The following GLIS2 variants were observed in gnomAD, a reference collection of about 807,000 sequenced individuals.
GLIS2 encodes the protein GLIS family zinc finger 2.
In GLIS2, 14 loss-of-function variants were observed where a neutral mutation model predicts 35.6. The ratio of observed to expected loss-of-function variants is 0.39; its 90% CI spans 0.26 to 0.61. GLIS2 has a LOEUF of 0.61. Among genes scored for constraint, GLIS2 ranks in the 20% least tolerant of loss-of-function variants. GLIS2 has a pLI of 0.48. For missense variants in GLIS2, 675 were observed against 713.4 expected (o/e 0.95, Z 0.61); for synonymous variants, 368 against 325.1 (o/e 1.13, Z -1.42).
chr16:4,319,147 G>A (rs1157998183), intron 1 of GLIS2, among the ~76,000 whole-genome samples: 6 of 152,142 alleles, frequency 3.9e-5, no homozygotes, highest in Non-Finnish European at 8.8e-5. Flanking sequence ...GGTGGAATTG[G>A]GGCGGGGGTG....
At chr16:4,317,998 G>GC (rs2053334310) in intron 1 of GLIS2, among the ~76,000 whole-genome samples, 1 of 152,160 alleles carries the variant, frequency 6.6e-6, no homozygotes, top group South Asian at 2.1e-4. Context: ...CCTGGCCCAG[G>GC]CCCCCTGGGG....
At chr16:4,321,730 C>G (rs146534273) in intron 1 of GLIS2, among the ~76,000 whole-genome samples, 1 of 152,072 alleles carries the variant, frequency 6.6e-6, no homozygotes, top group South Asian at 2.1e-4. Context: ...GTAGCCACAG[C>G]GGGTTTGGAG....
chr16:4,329,976 TGTG>T, intron 1 of GLIS2, among the ~76,000 whole-genome samples: 2 of 152,192 alleles, frequency 1.3e-5, no homozygotes, highest in Non-Finnish European at 2.9e-5. Context: ...ATCATTTGCA[TGTG>T]AGGAAAATTA....
At chr16:4,328,511 T>C (rs545324298) in intron 1 of GLIS2, among the ~76,000 whole-genome samples, 95 of 152,268 alleles carry the variant, frequency 6.2e-4, no homozygotes, top group Non-Finnish European at 1.2e-3. Context: ...GAGGAAAAAC[T>C]CTGGGTGGGG....
At chr16:4,330,887 C>T (rs1037742332) in intron 1 of GLIS2, among the ~76,000 whole-genome samples, 10 of 152,246 alleles carry the variant, frequency 6.6e-5, no homozygotes, top group African/African-American at 2.2e-4. Flanking sequence ...ATGACGCCCA[C>T]GCTGGAAGGT....
At chr16:4,334,701 C>T in intron 3 of GLIS2, 100 bp from the exon 4 acceptor site, 1 of 1,408,124 alleles carries the variant, frequency 7.1e-7, no homozygotes, top group Non-Finnish European at 9.9e-7. Context: ...GAGAAGAGGA[C>T]CTGAATGTCT....
upstream of GLIS2, chr16:4,314,993 G>T (rs2053291782): frequency 6.6e-6 from 1 of 152,332 alleles, no homozygotes; most frequent in Non-Finnish European, 1.5e-5. Flanking sequence ...ACACGAGGCA[G>T]AAAACAGCTG....
In GLIS2 at chr16:4,335,543, T is replaced by G; in HGVS notation, c.775+150T>G. ...CATCGCCCAGGGGTCCCTTTTCCAATGCAGTTTGCTAGGGGAAGCATCCCC... is the reference window on the plus strand; with the variant it reads ...CATCGCCCAGGGGTCCCTTTTCCAAGGCAGTTTGCTAGGGGAAGCATCCCC... On this transcript the variant is annotated intron_variant, in intron 6 of 6. Transcript: ENST00000433375. This position sits in a 1 kb window ranked among gnomAD's most constrained non-coding sequence, Gnocchi z 4.6. The G allele has an allele frequency of 1.4e-6, 1 of 721,748 alleles. No individual in the cohort carries two copies. The highest frequency in any genetic ancestry group is 2.3e-6 in the Non-Finnish European group (1 of 430,768). 44.7% of individuals were successfully genotyped at this position (721,748 alleles called of 1,614,324 possible). A position where few individuals can be genotyped will look rare whatever the true frequency, so the allele number is the denominator to read the frequency against.
Position 4,332,090 on chromosome 16 carries a change from G to T in GLIS2, c.-66-125G>T, listed in dbSNP as rs1310268532. 8 of 743,206 alleles carry T rather than the reference G, an allele frequency of 1.1e-5. No individual in the cohort carries two copies. Among genetic ancestry groups the T allele is most frequent in the Middle Eastern group, 3.5e-4 (1 of 2,868 alleles). The allele number at this position is 743,206 out of a possible 1,614,324, so 46.0% of individuals were successfully genotyped here. On this transcript the variant is annotated intron_variant, in intron 1 of 6. Transcript: ENST00000433375. This position sits in a 1 kb window ranked among gnomAD's most constrained non-coding sequence, Gnocchi z 5.4. ...AGCTGCCGGCCAGGTCGCTCGGAGG[G>T]TCTCCCTACCCAGGAGACAACCTCA... is the stretch of plus-strand genomic sequence containing the variant.
Position 4,336,871 on chromosome 16 carries a change from A to C in GLIS2, c.922A>C (p.Ser308Arg). 6.2e-7 allele frequency: 1 copy of C among 1,613,372 alleles called. No individual in the cohort carries two copies. Among genetic ancestry groups the C allele is most frequent in the Non-Finnish European group, 8.5e-7 (1 of 1,180,012 alleles). The change falls in exon 7 of 7, where the codon AGC becomes CGC. Residue 308 changes from serine to arginine, a missense_variant. Physicochemically the swap from Ser to Arg is moderately radical, Grantham distance 110. This residue lies in a region of GLIS2 where 133 missense variants were observed against 191.4 expected (regional missense o/e 0.69). Coordinates refer to ENST00000433375, the MANE Select transcript of GLIS2 (RefSeq NM_032575.3). Reference sequence around the variant, plus strand: ...CTGCCACAAGCGCTACACGGACCCCAGCTCACTGCGCAAGCACATCAAGGC... The same window carrying C: ...CTGCCACAAGCGCTACACGGACCCCCGCTCACTGCGCAAGCACATCAAGGC... ...PGCHKRYTDP[S>R]SLRKHIKAHG...
chr16:4,331,207 C>A (rs1021262860), intron 1 of GLIS2, among the ~76,000 whole-genome samples: 1 of 152,042 alleles, frequency 6.6e-6, no homozygotes, highest in Non-Finnish European at 1.5e-5. Context: ...GTCTCTATCT[C>A]CTGACCTCGT....
chr16:4,336,717 C>A lies in GLIS2; in HGVS notation c.776-8C>A. ...CTCATGGCGGCACTGCACTGCACCA[C>A]CCTGCAGGTGAGAAGCCCTACGTCT... On this transcript the variant is annotated splice_polypyrimidine_tract_variant and splice_region_variant and intron_variant, in intron 6 of 6. Coordinates refer to ENST00000433375, the MANE Select transcript of GLIS2 (RefSeq NM_032575.3). 6.3e-7 allele frequency: 1 copy of A among 1,589,954 alleles called. No individual in the cohort carries two copies. Among genetic ancestry groups the A allele is most frequent in the Middle Eastern group, 1.7e-4 (1 of 6,032 alleles).
chr16:4,317,323 T>C (rs2053324676), intron 1 of GLIS2, among the ~76,000 whole-genome samples: 2 of 152,126 alleles, frequency 1.3e-5, no homozygotes, highest in South Asian at 4.1e-4. Context: ...GTCTGGGCCA[T>C]GGAAAGGGCC....
chr16:4,332,375 G>A lies in GLIS2; in HGVS notation c.95G>A (p.Arg32Gln), dbSNP rs145079200. Residue 32 changes from arginine (R) to glutamine (Q), a missense_variant, in exon 2 of 7, where the codon CGG becomes CAG. Arg to Gln is a conservative substitution (Grantham distance 43, BLOSUM62 1). Around this residue, in one of 3 missense-constraint regions of GLIS2, gnomAD observed 225 missense variants for 238.7 expected, o/e 0.94. Transcript: ENST00000433375. This position sits in a 1 kb window ranked among gnomAD's most constrained non-coding sequence, Gnocchi z 5.4. ...CGGGAGAGGACGCTGGGTGTGGTCC[G>A]GCCCCGTGCTCTGCACAGGGAGCTG... ...EKRERTLGVVRPRALHRELGL... is the reference protein window; with the variant it reads ...EKRERTLGVVQPRALHRELGL... 37 of 1,612,996 alleles carry A rather than the reference G, an allele frequency of 2.3e-5. No individual in the cohort carries two copies. Among genetic ancestry groups the A allele is most frequent in the East Asian group, 8.9e-5 (4 of 44,880 alleles).
intron 1 of GLIS2, among the ~76,000 whole-genome samples, chr16:4,326,088 C>A (rs1026357048): frequency 2.6e-5 from 4 of 151,016 alleles, no homozygotes; most frequent in East Asian, 2.0e-4. Flanking sequence ...AAAATACACA[C>A]AAAAAAATTA....
chr16:4,337,522 T>A lies in GLIS2; in HGVS notation c.1573T>A (p.Ter525ArgextTer48). The change falls in exon 7 of 7, where the codon TGA becomes AGA. Residue 525 changes from the stop codon to arginine, a stop_lost. Transcript: ENST00000433375. ...GCTGCTCAAACCGGCTGTGGTGAAC[T>A]GAGCCCATCCTGCGGACAGTTGTGG... ...SVLLKPAVVN[*>R] The A allele has an allele frequency of 6.4e-7, 1 of 1,556,474 alleles. No homozygotes were observed. Among genetic ancestry groups the A allele is most frequent in the Non-Finnish European group, 8.6e-7 (1 of 1,156,322 alleles).
Position 4,337,433 on chromosome 16 carries a change from A to T in GLIS2, c.1484A>T (p.Asn495Ile), listed in dbSNP as rs376570389. The change falls in exon 7 of 7, where the codon AAC becomes ATC. Residue 495 changes from asparagine (N) to isoleucine (I), a missense_variant. By Grantham distance (149) the Asn-to-Ile change is moderately radical. Coordinates refer to ENST00000433375, the MANE Select transcript of GLIS2 (RefSeq NM_032575.3). ...GTGCTGGACCTGTCCACGGGCGTCA[A>T]CTCAGCTGCCAGCAGCCCAGAGGCG... ...GTVLDLSTGV[N>I]SAASSPEALA... 1.3e-5 allele frequency: 20 copies of T among 1,583,118 alleles called. No homozygotes were observed. Among genetic ancestry groups the T allele is most frequent in the African/African-American group, 2.7e-5 (2 of 74,366 alleles).
At position 4,337,171 on chromosome 16, in the gene GLIS2, CCT is replaced by C. The variant is rs2053563815; in HGVS notation, c.1226_1227del (p.Leu409GlnfsTer57). On this transcript the variant is annotated frameshift_variant, in exon 7 of 7. Transcript: ENST00000433375. LOFTEE classifies it high-confidence loss of function. ...MGPGLPGPVL[P>X]LNLAKNPLLP... ...CCCTGGGCTGCCAGGCCCCGTCCTG[CCT>C]CTCAATCTGGCCAAGAACCCGCTGC... 2.6e-6 allele frequency: 4 copies of C among 1,542,504 alleles called. No individual in the cohort carries two copies. Among genetic ancestry groups the C allele is most frequent in the Non-Finnish European group, 3.5e-6 (4 of 1,146,880 alleles).
At chr16:4,323,740 C>G (rs2053401949) in intron 1 of GLIS2, among the ~76,000 whole-genome samples, 1 of 152,224 alleles carries the variant, frequency 6.6e-6, no homozygotes, top group Non-Finnish European at 1.5e-5. Context: ...GTGACCTTGG[C>G]AGGCCCAAGT....
Sources: gnomAD v4.1 joint callset for allele counts (sites outside exome capture counted in the v4.1 genomes callset) on GRCh38, gnomAD v4.1.1 for gene constraint, gnomAD v4.1.1 regional missense constraint, Gnocchi (gnomAD v3.1) non-coding constraint, MANE v1.5 for transcripts, NCBI Gene and HGNC (gene_info 2026-07-23, HGNC 2026-07-21) for gene names.